The following MRPL44 variants were observed in gnomAD, a reference collection of about 807,000 sequenced individuals.
The protein encoded by MRPL44 is mitochondrial ribosomal protein L44.
Under a neutral mutation model 25.9 loss-of-function variants are expected in MRPL44, and 21 were observed. The observed-to-expected ratio is 0.81, with a 90% CI of 0.58 to 1.17. The LOEUF (loss-of-function observed/expected upper bound fraction) is 1.17. Ranked by LOEUF, MRPL44 falls within the 50% of genes most tolerant of loss-of-function variation. MRPL44 has a pLI of 0.00. For synonymous variants in MRPL44, 169 were observed against 151.0 expected (o/e 1.12, Z -0.87); for missense variants, 410 against 398.9 (o/e 1.03, Z -0.24).
chr2:223,950,929 T>A, the MRPL44 span, among the ~76,000 whole-genome samples: 3 of 152,150 alleles, frequency 2.0e-5, no homozygotes, highest in Admixed American at 2.0e-4. Flanking sequence ...AGAGGAAGTA[T>A]GTGTGTAAAT....
the MRPL44 span, among the ~76,000 whole-genome samples, chr2:223,951,478 G>GTTTTTTTTTGTTTTGTTTTTTTTTTTT: frequency 8.9e-6 from 1 of 112,560 alleles, no homozygotes; most frequent in Non-Finnish European, 1.8e-5. Flanking sequence ...TTACCTTGGA[G>GTTTTTTTTTGTTTTGTTTTTTTTTTTT]TTTTTTTTTT....
chr2:223,952,444 T>C, the MRPL44 span, among the ~76,000 whole-genome samples: 1 of 152,204 alleles, frequency 6.6e-6, no homozygotes, highest in Non-Finnish European at 1.5e-5. Context: ...CTCTTAGGCC[T>C]TTCAGTTCTA....
At chr2:223,958,184 A>G (rs1000931342) in intron 1 of MRPL44, among the ~76,000 whole-genome samples, 5 of 152,156 alleles carry the variant, frequency 3.3e-5, no homozygotes, top group African/African-American at 1.2e-4. Flanking sequence ...ACATAATTTA[A>G]ATTCCTTCAT....
the MRPL44 span, among the ~76,000 whole-genome samples, chr2:223,951,213 G>C: frequency 3.9e-4 from 60 of 152,342 alleles, no homozygotes; most frequent in African/African-American, 1.3e-3. Flanking sequence ...GGTAAAACCT[G>C]ATTGAAGTGA....
At chr2:223,951,947 A>G in the MRPL44 span, among the ~76,000 whole-genome samples, 1 of 152,200 alleles carries the variant, frequency 6.6e-6, no homozygotes, top group Non-Finnish European at 1.5e-5. Context: ...ATAAGTTCTT[A>G]CCTTTAACAT....
chr2:223,962,946 C>T (rs1471771076), intron 2 of MRPL44, among the ~76,000 whole-genome samples: 2 of 152,158 alleles, frequency 1.3e-5, no homozygotes, highest in Middle Eastern at 3.2e-3. Flanking sequence ...AAGTGATCTG[C>T]CTGCCTTGGC....
At chr2:223,961,927 C>T (rs902979484) in intron 2 of MRPL44, among the ~76,000 whole-genome samples, 1 of 152,110 alleles carries the variant, frequency 6.6e-6, no homozygotes, top group Non-Finnish European at 1.5e-5. Context: ...CTTGGTTATT[C>T]TATATGACAG....
At chr2:223,957,313 G>A (rs927504418), upstream of MRPL44, 18 of 819,174 alleles carry the variant, frequency 2.2e-5, no homozygotes, top group East Asian at 4.3e-4. Flanking sequence ...CCGCCCCGGG[G>A]CTGTCTCCGC....
At chr2:223,957,365 G>A, upstream of MRPL44, 1 of 1,444,722 alleles carries the variant, frequency 6.9e-7, no homozygotes, top group Non-Finnish European at 9.6e-7. Context: ...GGCTGTCTCC[G>A]CCCCAGCCTT....
intron 3 of MRPL44, 152 bp downstream of exon 3, chr2:223,964,086 A>AT (rs1250017817): frequency 1.7e-6 from 1 of 574,768 alleles, no homozygotes; most frequent in Non-Finnish European, 2.9e-6. Flanking sequence ...GCATGAAAAG[A>AT]TTTTTTAAAA....
upstream of MRPL44, among the ~76,000 whole-genome samples, chr2:223,954,620 C>T (rs1442746426): frequency 1.3e-5 from 2 of 152,220 alleles, no homozygotes; most frequent in Non-Finnish European, 2.9e-5. Context: ...TCACATAAGC[C>T]TTTCCACATA....
chr2:223,951,477 A>AGTTTTTTTTTGTTTTGTT, the MRPL44 span, among the ~76,000 whole-genome samples: 11 of 62,626 alleles, frequency 1.8e-4, no homozygotes, highest in Non-Finnish European at 3.7e-4. Context: ...CTTACCTTGG[A>AGTTTTTTTTTGTTTTGTT]GTTTTTTTTT....
Position 223,963,737 on chromosome 2 carries a change from ATTATATT to A in MRPL44, c.649-16_649-10del. On this transcript the variant is annotated splice_polypyrimidine_tract_variant and intron_variant, in intron 2 of 3. Transcript: ENST00000258383. The stretch of plus-strand genomic sequence containing the variant: ...TCTTTCTACTAATTAAAATGTATAA[ATTATATT>A]TTTATATGCAGGACTTCTTAATTAC... 8 of 1,482,138 alleles carry A rather than the reference ATTATATT, an allele frequency of 5.4e-6. No individual in the cohort carries two copies. The highest frequency in any genetic ancestry group is 2.9e-5 in the African/African-American group (2 of 69,294). 91.8% of individuals were successfully genotyped at this position (1,482,138 alleles called of 1,614,324 possible).
At position 223,958,076 on chromosome 2, in the gene MRPL44, A is replaced by T. The variant is rs894124322; in HGVS notation, c.179+425A>T. Among the ~76,000 whole-genome samples the T allele has an allele frequency of 1.4e-3, 219 of 152,362 alleles. 1 individual carries two copies. Among genetic ancestry groups the T allele is most frequent in the Non-Finnish European group, 2.7e-3 (183 of 68,034 alleles). On this transcript the variant is annotated intron_variant, in intron 1 of 3. Coordinates refer to ENST00000258383, the MANE Select transcript of MRPL44 (RefSeq NM_022915.5). ...TGCTGTCTAGAGTAAAAGGAAAAAA[A>T]GTTAGCTTTAGATTTTTGCCCTAAT...
At position 223,959,682 on chromosome 2, in the gene MRPL44, A is replaced by C. The variant is rs760456374; in HGVS notation, c.328A>C (p.Ile110Leu). The change falls in exon 2 of 4, where the codon ATA becomes CTA. Residue 110 changes from isoleucine (I) to leucine (L), a missense_variant. Ile to Leu is a conservative substitution (Grantham distance 5). Transcript: ENST00000258383. ...SEEAKRQQLG[I>L]EKEAVLLNLK... is the part of the protein sequence containing the mutation. The stretch of plus-strand genomic sequence containing the variant: ...GGAGGCCAAACGCCAACAACTTGGG[A>C]TAGAGAAAGAAGCTGTTCTTCTGAA... 6.2e-7 allele frequency: 1 copy of C among 1,614,248 alleles called. No homozygotes were observed. Among genetic ancestry groups the C allele is most frequent in the Admixed American group, 1.7e-5 (1 of 60,028 alleles).
At chr2:223,953,384 C>T (rs1384181275), upstream of MRPL44, among the ~76,000 whole-genome samples, 3 of 152,062 alleles carry the variant, frequency 2.0e-5, no homozygotes, top group African/African-American at 4.8e-5. Context: ...CCGCCTGCCT[C>T]GGCCTCCCAA....
the MRPL44 span, among the ~76,000 whole-genome samples, chr2:223,951,972 G>T: frequency 2.6e-5 from 4 of 152,170 alleles, no homozygotes; most frequent in Admixed American, 2.0e-4. Flanking sequence ...ATGAAGTAAG[G>T]TATGTTAGCT....
At chr2:223,960,024 A>G (rs1324117408) in intron 2 of MRPL44, 22 bp downstream of exon 2, 7 of 1,519,978 alleles carry the variant, frequency 4.6e-6, no homozygotes, top group Admixed American at 3.8e-5. Context: ...TTAATTGGAC[A>G]TGCTTGAGAT....
At chr2:223,964,569 G>A (rs1346802580) in intron 3 of MRPL44, among the ~76,000 whole-genome samples, 1 of 152,200 alleles carries the variant, frequency 6.6e-6, no homozygotes, top group African/African-American at 2.4e-5. Flanking sequence ...AAAATGGATA[G>A]TGTTGTATAA....
Sources: gnomAD v4.1 joint callset for allele counts (sites outside exome capture counted in the v4.1 genomes callset) on GRCh38, gnomAD v4.1.1 for gene constraint, MANE v1.5 for transcripts, NCBI Gene and HGNC (gene_info 2026-07-23, HGNC 2026-07-21) for gene names.